The following MACF1 variants were observed in gnomAD, a reference collection of about 807,000 sequenced individuals.
The protein encoded by MACF1 is microtubule actin crosslinking factor 1.
Under a neutral mutation model 854.8 loss-of-function variants are expected in MACF1, and 193 were observed. The observed-to-expected ratio is 0.23, with a 90% confidence interval of 0.20 to 0.25. MACF1 has a LOEUF of 0.25. Ranked by LOEUF, MACF1 falls within the 10% of genes least tolerant of loss-of-function variation. The pLI is 1.00. For missense variants in MACF1, 7,722 were observed against 8,929.1 expected (o/e 0.86, Z 5.45); for synonymous variants, 3,185 against 3,226.7 (o/e 0.99, Z 0.44).
At chr1:39,425,156 C>CT (rs1226503221) in intron 61 of MACF1, among the ~76,000 whole-genome samples, 10 of 152,086 alleles carry the variant, frequency 6.6e-5, no homozygotes, top group African/African-American at 1.4e-4. Context: ...TTTTACTTTT[C>CT]TTTTTTTAAT....
chr1:39,453,894 T>C, intron 88 of MACF1, 44 bp downstream of exon 88: 3 of 1,609,866 alleles, frequency 1.9e-6, no homozygotes, highest in Non-Finnish European at 1.7e-6. Context: ...CCCAGTAAAC[T>C]ATCACTATAG....
chr1:39,306,302 A>G (rs1019064423), intron 23 of MACF1, among the ~76,000 whole-genome samples: 1 of 151,502 alleles, frequency 6.6e-6, no homozygotes, highest in African/African-American at 2.4e-5. Flanking sequence ...TAATTTTTGT[A>G]TTTTTAGTAG....
chr1:39,286,848 G>A (rs1348064946), intron 14 of MACF1, among the ~76,000 whole-genome samples: 6 of 152,046 alleles, frequency 3.9e-5, no homozygotes, highest in African/African-American at 9.7e-5. Context: ...CTGTAATTTG[G>A]CATTTGTCTT....
intron 1 of MACF1, among the ~76,000 whole-genome samples, chr1:39,213,058 C>T (rs780276674): frequency 6.6e-6 from 1 of 152,230 alleles, no homozygotes; most frequent in Non-Finnish European, 1.5e-5. Context: ...GGGAGCACAG[C>T]TTTGGAGCTG....
chr1:39,166,922 T>C (rs1426532399), intron 2 of MACF1, among the ~76,000 whole-genome samples: 1 of 152,140 alleles, frequency 6.6e-6, no homozygotes, highest in Non-Finnish European at 1.5e-5. Context: ...GATTTTAGTT[T>C]GTTTAGGATG....
chr1:39,352,314 A>G (rs1647207962), intron 43 of MACF1, among the ~76,000 whole-genome samples: 2 of 152,200 alleles, frequency 1.3e-5, no homozygotes, highest in Non-Finnish European at 2.9e-5. Flanking sequence ...AAATTTAAAA[A>G]GAGCTAAATG....
In MACF1 at chr1:39,427,573, A is replaced by T; in HGVS notation, c.16435A>T (p.Thr5479Ser). ...KKLANSEPVGTQTAKIQQQII... is the reference protein window; with the variant it reads ...KKLANSEPVGSQTAKIQQQII... ...GCTTGCTAACTCAGAACCTGTTGGC[A>T]CTCAGACTGCCAAAATACAGCAGCA... Residue 5479 changes from threonine (T) to serine (S), a missense_variant, in exon 62 of 101, where the codon ACT (threonine) becomes TCT (serine). Thr to Ser is a moderately conservative substitution (Grantham distance 58, BLOSUM62 1). Coordinates refer to ENST00000564288, the MANE Select transcript of MACF1 (RefSeq NM_001394062.1). 6.2e-7 allele frequency: 1 copy of T among 1,614,152 alleles called. No homozygotes were observed. The highest frequency in any genetic ancestry group is 8.5e-7 in the Non-Finnish European group (1 of 1,179,996).
At chr1:39,440,853 T>C (rs1029634255) in intron 72 of MACF1, 150 bp from the exon 73 acceptor site, 7 of 648,332 alleles carry the variant, frequency 1.1e-5, no homozygotes, top group South Asian at 4.0e-5. Context: ...AAAATAACCA[T>C]GTAGAGTCTG....
chr1:39,356,073 T>G (rs180973686), intron 44 of MACF1, among the ~76,000 whole-genome samples: 7 of 152,154 alleles, frequency 4.6e-5, no homozygotes, highest in African/African-American at 1.7e-4. Flanking sequence ...GCATAAACAG[T>G]ATAGGTAGTA....
intron 66 of MACF1, among the ~76,000 whole-genome samples, chr1:39,431,120 G>T (rs761377766): frequency 6.6e-6 from 1 of 152,208 alleles, no homozygotes; most frequent in Non-Finnish European, 1.5e-5. Flanking sequence ...CCTTTGAGTA[G>T]AGAAGTACTT....
At chr1:39,114,316 C>T (rs1357683844) in intron 2 of MACF1, among the ~76,000 whole-genome samples, 26 of 151,864 alleles carry the variant, frequency 1.7e-4, no homozygotes, top group Non-Finnish European at 3.1e-4. Flanking sequence ...AAATATAAAT[C>T]AAAGTCCATG....
Position 39,331,421 on chromosome 1 carries a change from G to T in MACF1, c.4833G>T (p.Gln1611His), listed in dbSNP as rs1646724056. ...RNLINPQMYQ[Q>H]LRELQDALAL... ...TCATTAATCCCCAGATGTACCAGCAGCTCCGGGAGCTACAGGATGCCCTGG... is the reference window on the plus strand; with the variant it reads ...TCATTAATCCCCAGATGTACCAGCATCTCCGGGAGCTACAGGATGCCCTGG... The change falls in exon 37 of 101, where the codon CAG (glutamine) becomes CAT (histidine). Residue 1611 changes from glutamine (Q) to histidine (H), a missense_variant. Transcript: ENST00000564288. The T allele has an allele frequency of 6.2e-7, 1 of 1,613,962 alleles. No homozygotes were observed. The highest frequency in any genetic ancestry group is 1.7e-5 in the Admixed American group (1 of 60,008).
At chr1:39,370,573 C>G (rs1649137946) in intron 51 of MACF1, among the ~76,000 whole-genome samples, 1 of 152,202 alleles carries the variant, frequency 6.6e-6, no homozygotes, top group Non-Finnish European at 1.5e-5. Context: ...TGTCTTTGAT[C>G]CGTAATTATC....
At chr1:39,155,790 G>T (rs1158016053) in intron 2 of MACF1, among the ~76,000 whole-genome samples, 1 of 152,202 alleles carries the variant, frequency 6.6e-6, no homozygotes, top group Non-Finnish European at 1.5e-5. Context: ...CACGATCTTG[G>T]CTCACTGCAA....
chr1:39,089,544 G>T (rs1641754332), intron 2 of MACF1, among the ~76,000 whole-genome samples: 2 of 152,144 alleles, frequency 1.3e-5, no homozygotes, highest in Non-Finnish European at 2.9e-5. Flanking sequence ...AGCTCTGGAG[G>T]TCTCTGTAGT....
chr1:39,332,022 G>C lies in MACF1; in HGVS notation c.5434G>C (p.Gly1812Arg). 2 of 1,613,988 alleles carry C rather than the reference G, an allele frequency of 1.2e-6. No homozygotes were observed. Among genetic ancestry groups the C allele is most frequent in the Non-Finnish European group, 1.7e-6 (2 of 1,179,986 alleles). The change falls in exon 37 of 101, where the codon GGC becomes CGC. Residue 1812 changes from glycine to arginine, a missense_variant. Coordinates refer to ENST00000564288, the MANE Select transcript of MACF1 (RefSeq NM_001394062.1). ...AILIRQLQTG[G>R]IIDTVTGQRL... The stretch of plus-strand genomic sequence containing the variant: ...CCTCATAAGGCAGCTTCAGACAGGA[G>C]GCATCATAGACACTGTCACGGGGCA...
intron 47 of MACF1, among the ~76,000 whole-genome samples, chr1:39,360,005 AAAAAAAAATATATATATATAT>A (rs1647954489): frequency 5.8e-5 from 4 of 69,476 alleles, no homozygotes; most frequent in South Asian, 9.1e-4. Context: ...AAAAAAAAAA[AAAAAAAAATATATATATATAT>A]ATATATATAT....
At chr1:39,379,107 A>G in intron 53 of MACF1, 96 bp from the exon 54 acceptor site, 2 of 1,223,714 alleles carry the variant, frequency 1.6e-6, no homozygotes, top group Non-Finnish European at 1.1e-6. Flanking sequence ...AATTCACTAG[A>G]AGGAGTAAGA....
intron 2 of MACF1, among the ~76,000 whole-genome samples, chr1:39,173,161 G>A (rs1643975553): frequency 6.6e-6 from 1 of 152,032 alleles, no homozygotes; most frequent in Non-Finnish European, 1.5e-5. Flanking sequence ...CCAACATGGT[G>A]AAATCCCGTC....
Sources: gnomAD v4.1 joint callset for allele counts (sites outside exome capture counted in the v4.1 genomes callset) on GRCh38, gnomAD v4.1.1 for gene constraint, MANE v1.5 for transcripts, NCBI Gene and HGNC (gene_info 2026-07-23, HGNC 2026-07-21) for gene names.